RASSF8: variants seen among roughly 807,000 people sequenced by gnomAD.
The protein encoded by RASSF8 is ras association domain-containing protein 8.
A neutral mutation model predicts 48.5 loss-of-function variants in RASSF8; 22 were observed. The ratio of observed to expected loss-of-function variants is 0.45; its 90% CI spans 0.32 to 0.65. The LOEUF is 0.65. Ranked by LOEUF, RASSF8 falls within the 30% of genes least tolerant of loss-of-function variation. The probability of loss-of-function intolerance (pLI) is 0.03; values close to 1 mark genes in which losing one functional copy is unlikely to be tolerated. For synonymous variants in RASSF8, 127 were observed against 171.5 expected (o/e 0.74, Z 2.03); for missense variants, 418 against 489.2 (o/e 0.85, Z 1.37).
At chr12:26,005,518 A>C (rs903915300) in intron 2 of RASSF8, among the ~76,000 whole-genome samples, 1 of 152,204 alleles carries the variant, frequency 6.6e-6, no homozygotes, top group African/African-American at 2.4e-5. Context: ...AGAAAATGTA[A>C]AAATAAGACA....
At chr12:25,989,233 C>G (rs1941958505) in intron 1 of RASSF8, among the ~76,000 whole-genome samples, 1 of 152,206 alleles carries the variant, frequency 6.6e-6, no homozygotes, top group Non-Finnish European at 1.5e-5. Context: ...CACAGCCATA[C>G]TGTTCTTTTC....
intron 2 of RASSF8, among the ~76,000 whole-genome samples, chr12:26,018,718 C>T (rs1942713429): frequency 6.6e-6 from 1 of 152,162 alleles, no homozygotes; most frequent in South Asian, 2.1e-4. Flanking sequence ...GGATAATTAC[C>T]TGCCCACCAC....
At chr12:25,959,434 A>G (rs920906455) in intron 1 of RASSF8, 17 of 152,236 alleles carry the variant, frequency 1.1e-4, no homozygotes, top group Non-Finnish European at 1.8e-4. Context: ...GTCCTTGGCA[A>G]GGGAGTTTAG....
At position 26,071,815 on chromosome 12, in the gene RASSF8, A is replaced by T. The variant is rs1591824874; in HGVS notation, c.*2997A>T. The T allele has an allele frequency of 2.2e-5, 1 of 46,394 alleles. No homozygotes were observed. Among genetic ancestry groups the T allele is most frequent in the East Asian group, 5.2e-4 (1 of 1,932 alleles). 2.9% of individuals were successfully genotyped at this position (46,394 alleles called of 1,614,324 possible). A position where few individuals can be genotyped will look rare whatever the true frequency, so the allele number is the denominator to read the frequency against. ...AGAGTAAAAACTATATAAATACAGT[A>T]AAAAAAAAATAGAATTTATGGTGTG... On this transcript the variant is annotated 3_prime_UTR_variant, in exon 6 of 6. Coordinates refer to ENST00000689635, the MANE Select transcript of RASSF8 (RefSeq NM_001394098.1).
At chr12:26,026,320 T>C (rs1390364176) in intron 2 of RASSF8, among the ~76,000 whole-genome samples, 1 of 152,214 alleles carries the variant, frequency 6.6e-6, no homozygotes, top group Non-Finnish European at 1.5e-5. Flanking sequence ...TAGACAAATA[T>C]CTATGTACAA....
intron 1 of RASSF8, among the ~76,000 whole-genome samples, chr12:25,971,798 T>C (rs186717007): frequency 6.6e-6 from 1 of 152,330 alleles, no homozygotes; most frequent in East Asian, 1.9e-4. Context: ...CTAACAAACA[T>C]GAAAGTAACC....
At chr12:26,058,536 G>GCGCA (rs1334339075) in intron 3 of RASSF8, among the ~76,000 whole-genome samples, 1 of 83,426 alleles carries the variant, frequency 1.2e-5, no homozygotes, top group Non-Finnish European at 2.7e-5. Context: ...GCACGCGCGC[G>GCGCA]CGCACACACA....
rs980363920 is a variant in RASSF8, at chr12:26,068,613, G to T, written c.1139-84G>T. The T allele has an allele frequency of 2.7e-6, 3 of 1,095,882 alleles. No individual in the cohort carries two copies. The African/African-American group carries it at 4.7e-5, about 17-fold the overall frequency. 67.9% of individuals were successfully genotyped at this position (1,095,882 alleles called of 1,614,324 possible). ...TGCTCTATGCAGTTTTCCCTTTTGGGGTAGGAAGCAGTCTGATTTTTTATA... is the reference window on the plus strand; with the variant it reads ...TGCTCTATGCAGTTTTCCCTTTTGGTGTAGGAAGCAGTCTGATTTTTTATA... On this transcript the variant is annotated intron_variant, in intron 5 of 5. Transcript: ENST00000689635.
At position 26,035,822 on chromosome 12, in the gene RASSF8, A is replaced by G. The variant is rs982649557; in HGVS notation, c.-108-19414A>G. 5.5e-5 allele frequency among the ~76,000 whole-genome samples: 8 copies of G among 145,140 alleles called. No individual in the cohort carries two copies. In the South Asian group the frequency reaches 1.1e-3, roughly 19 times the overall value. On this transcript the variant is annotated intron_variant, in intron 2 of 5. Coordinates refer to ENST00000689635, the MANE Select transcript of RASSF8 (RefSeq NM_001394098.1). ...AGATATACAATATATGAAATTATAT[A>G]TAATATAATTTCATATAATTATGTA...
At chr12:25,991,932 AATAAT>A (rs1289193374) in intron 1 of RASSF8, among the ~76,000 whole-genome samples, 1 of 152,212 alleles carries the variant, frequency 6.6e-6, no homozygotes, top group Non-Finnish European at 1.5e-5. Context: ...TTTTACCAAA[AATAAT>A]ATAATTATTG....
chr12:25,959,283 C>T (rs1191247335), intron 1 of RASSF8, 135 bp downstream of exon 1: 1 of 152,370 alleles, frequency 6.6e-6, no homozygotes, highest in Non-Finnish European at 1.5e-5. Flanking sequence ...CCGTTCCGCC[C>T]CCACCCTGCC....
rs1943955463 is a variant in RASSF8 at position 26,069,489 on chromosome 12, A to C, written c.*671A>C. 1.0e-6 allele frequency: 1 copy of C among 985,346 alleles called. No homozygotes were observed. The highest frequency in any genetic ancestry group is 6.1e-5 in the Admixed American group (1 of 16,272). 61.0% of individuals were successfully genotyped at this position (985,346 alleles called of 1,614,324 possible). A position where few individuals can be genotyped will look rare whatever the true frequency, so the allele number is the denominator to read the frequency against. ...TTTCCAAATATACGTGTGGCCACAG[A>C]GCATAACAGATATTTTTCATAAGCT... On this transcript the variant is annotated 3_prime_UTR_variant, in exon 6 of 6. Transcript: ENST00000689635.
At chr12:25,984,813 A>G (rs1427810317) in intron 1 of RASSF8, among the ~76,000 whole-genome samples, 1 of 152,206 alleles carries the variant, frequency 6.6e-6, no homozygotes, top group African/African-American at 2.4e-5. Flanking sequence ...TACCTTACTC[A>G]TTTTATGAGT....
Position 25,982,305 on chromosome 12 carries a change from T to C in RASSF8, c.-202-12732T>C, listed in dbSNP as rs534864664. Among the ~76,000 whole-genome samples, 488 of 152,318 alleles carry C rather than the reference T, an allele frequency of 3.2e-3. 2 individuals carry two copies. The highest frequency in any genetic ancestry group is 0.011 in the African/African-American group (470 of 41,568). On this transcript the variant is annotated intron_variant, in intron 1 of 5. Transcript: ENST00000689635. ...ATAGGTCAGAATATGAATTTCTGCA[T>C]TTAGATTACAAATAGTAGTTATGCA...
chr12:26,057,973 G>A (rs73080925), intron 3 of RASSF8, among the ~76,000 whole-genome samples: 1 of 152,082 alleles, frequency 6.6e-6, no homozygotes, highest in Non-Finnish European at 1.5e-5. Context: ...TTATGGGGTT[G>A]TTTGCATAAT....
chr12:26,007,879 T>G (rs183838259), intron 2 of RASSF8, among the ~76,000 whole-genome samples: 36 of 152,346 alleles, frequency 2.4e-4, no homozygotes, highest in African/African-American at 8.4e-4. Context: ...CTCACATCTG[T>G]GTAAGTAGAA....
intron 2 of RASSF8, among the ~76,000 whole-genome samples, chr12:26,040,167 A>G (rs1943233704): frequency 6.6e-6 from 1 of 152,082 alleles, no homozygotes; most frequent in African/African-American, 2.4e-5. Flanking sequence ...CTTTAAATAT[A>G]TTAGTATTAT....
At position 25,958,830 on chromosome 12, in the gene RASSF8, G is replaced by T. The variant is rs1941148412; in HGVS notation, c.-521G>T. On this transcript the variant is annotated 5_prime_UTR_variant, in exon 1 of 6. Transcript: ENST00000689635. ...AGCCTCGCCGAGCCTCGCCCTTCCC[G>T]CCCGCGGCGGCGTTGGCGCTGGGGG... 2 of 146,384 alleles carry T rather than the reference G, an allele frequency of 1.4e-5. No homozygotes were observed. The highest frequency in any genetic ancestry group is 4.3e-4 in the South Asian group (2 of 4,640). The allele number at this position is 146,384 out of a possible 1,614,324, so 9.1% of individuals were successfully genotyped here.
intron 2 of RASSF8, among the ~76,000 whole-genome samples, chr12:26,004,464 C>CT (rs1230938950): frequency 6.6e-6 from 1 of 152,154 alleles, no homozygotes; most frequent in African/African-American, 2.4e-5. Flanking sequence ...AGTCAGAACT[C>CT]TGCATATAAC....
Sources: allele counts gnomAD v4.1 joint callset (sites outside exome capture counted in the v4.1 genomes callset), GRCh38; gene constraint gnomAD v4.1.1; transcripts MANE v1.5; gene names NCBI Gene and HGNC (gene_info 2026-07-23, HGNC 2026-07-21).